RFT1: variants seen among roughly 807,000 people sequenced by gnomAD.
RFT1 encodes man(5)GlcNAc(2)-PP-dolichol translocation protein RFT1.
A neutral mutation model predicts 62.2 loss-of-function variants in RFT1; 43 were observed. The ratio of observed to expected loss-of-function variants is 0.69; its 90% CI spans 0.54 to 0.89. The LOEUF (loss-of-function observed/expected upper bound fraction) is 0.89. Ranked by LOEUF, RFT1 falls within the 40% of genes least tolerant of loss-of-function variation. RFT1 has a pLI of 0.00. For missense variants in RFT1, 605 were observed against 649.9 expected, an observed-to-expected ratio of 0.93 and a Z score of 0.75; for synonymous variants, 262 against 264.6, an observed-to-expected ratio of 0.99 and a Z score of 0.10.
In RFT1 at chr3:53,111,795, G is replaced by C. The variant is rs745848698; in HGVS notation, c.775+35C>G. 18 of 1,549,554 alleles carry C rather than the reference G, an allele frequency of 1.2e-5. No homozygotes were observed. In the East Asian group the frequency reaches 3.4e-4, roughly 29 times the overall value. On this transcript the variant is annotated intron_variant, in intron 7 of 12. Transcript: ENST00000296292. The stretch of plus-strand genomic sequence containing the variant: ...GTCCTATGAAATCCCCTTCTACTAT[G>C]GTCTCCCGACGATTCAGAGTGACCG...
intron 3 of RFT1, among the ~76,000 whole-genome samples, 193 bp downstream of exon 3, chr3:53,123,531 C>A (rs1459713305): frequency 1.3e-5 from 2 of 152,198 alleles, no homozygotes; most frequent in South Asian, 4.1e-4. Context: ...TCCTGGATAT[C>A]CAGAGAGAAA....
chr3:53,088,697 G>A lies in RFT1; in HGVS notation c.*3206C>T, dbSNP rs944276329. The A allele has an allele frequency of 6.6e-6, 1 of 152,246 alleles. No individual in the cohort carries two copies. Among genetic ancestry groups the A allele is most frequent in the Non-Finnish European group, 1.5e-5 (1 of 68,220 alleles). 9.4% of individuals were successfully genotyped at this position (152,246 alleles called of 1,614,324 possible). A position where few individuals can be genotyped will look rare whatever the true frequency, so the allele number is the denominator to read the frequency against. ...AAAAAATTAGAAATTAGCTGGGTGAGGTAGCACACACCTGTGATCCCAGCT... is the reference window on the plus strand; with the variant it reads ...AAAAAATTAGAAATTAGCTGGGTGAAGTAGCACACACCTGTGATCCCAGCT... On this transcript the variant is annotated 3_prime_UTR_variant, in exon 13 of 13. Coordinates refer to ENST00000296292, the MANE Select transcript of RFT1 (RefSeq NM_052859.4).
Position 53,091,706 on chromosome 3 carries a change from A to G in RFT1, c.*197T>C. ...AAGGGCTTTTGGTCTTCACTTAAAA[A>G]TGAAACTCCCCCCCCGCATTTCAGA... On this transcript the variant is annotated 3_prime_UTR_variant, in exon 13 of 13. Transcript: ENST00000296292. The G allele has an allele frequency of 1.6e-6, 1 of 635,106 alleles. No homozygotes were observed. Among genetic ancestry groups the G allele is most frequent in the South Asian group, 1.8e-5 (1 of 55,570 alleles). The allele number at this position is 635,106 out of a possible 1,614,324, so 39.3% of individuals were successfully genotyped here.
At chr3:53,083,383 T>C in the RFT1 span, among the ~76,000 whole-genome samples, 1 of 145,454 alleles carries the variant, frequency 6.9e-6, no homozygotes, top group African/African-American at 2.6e-5. Context: ...ATTAGGCAGG[T>C]ACTCAGGAGG....
rs1700935618 is a variant in RFT1 at position 53,089,565 on chromosome 3, G to A, written c.*2338C>T. The A allele has an allele frequency of 6.6e-6, 1 of 152,316 alleles. No homozygotes were observed. Among genetic ancestry groups the A allele is most frequent in the African/African-American group, 2.4e-5 (1 of 41,454 alleles). The allele number at this position is 152,316 out of a possible 1,614,324, so 9.4% of individuals were successfully genotyped here. A position where few individuals can be genotyped will look rare whatever the true frequency, so the allele number is the denominator to read the frequency against. ...TGTGGCTCTAGGGGGTCCAGCAGGG[G>A]AAATGCCAGAGGCCTGGTCAGGTCC... On this transcript the variant is annotated 3_prime_UTR_variant, in exon 13 of 13. Transcript: ENST00000296292.
intron 2 of RFT1, among the ~76,000 whole-genome samples, chr3:53,125,332 G>A (rs762368385): frequency 5.3e-5 from 8 of 152,208 alleles, no homozygotes; most frequent in African/African-American, 1.2e-4. Flanking sequence ...CAAAATATGC[G>A]TGGGTGTCCT....
intron 7 of RFT1, among the ~76,000 whole-genome samples, chr3:53,111,539 A>T (rs536691036): frequency 6.6e-6 from 1 of 152,346 alleles, no homozygotes; most frequent in South Asian, 2.1e-4. Context: ...GTTACTATAA[A>T]ACCCTAAAGA....
intron 6 of RFT1, among the ~76,000 whole-genome samples, chr3:53,114,051 A>G (rs1237143674): frequency 1.3e-5 from 2 of 152,200 alleles, no homozygotes; most frequent in Non-Finnish European, 2.9e-5. Flanking sequence ...CAAGATGTTT[A>G]AAACAGGCCA....
the RFT1 span, among the ~76,000 whole-genome samples, chr3:53,073,207 T>C: frequency 6.6e-6 from 1 of 152,248 alleles, no homozygotes; most frequent in East Asian, 1.9e-4. Flanking sequence ...CACCGGCCTC[T>C]GCCCAGGCTG....
the RFT1 span, among the ~76,000 whole-genome samples, chr3:53,074,788 C>T: frequency 6.6e-6 from 1 of 152,170 alleles, no homozygotes; most frequent in African/African-American, 2.4e-5. Context: ...AGGCTGTGTC[C>T]ACATCCATGG....
At chr3:53,096,331 A>G (rs1482523621) in intron 11 of RFT1, among the ~76,000 whole-genome samples, 2 of 152,112 alleles carry the variant, frequency 1.3e-5, no homozygotes, top group Admixed American at 1.3e-4. Context: ...ATTCTTCAAT[A>G]AGGCATAATG....
At chr3:53,071,654 T>G in the RFT1 span, among the ~76,000 whole-genome samples, 1 of 152,166 alleles carries the variant, frequency 6.6e-6, no homozygotes, top group African/African-American at 2.4e-5. Flanking sequence ...AGACTCAGGC[T>G]CCAGGAATAG....
intron 10 of RFT1, among the ~76,000 whole-genome samples, chr3:53,100,153 G>A (rs1027214855): frequency 7.9e-5 from 12 of 152,228 alleles, no homozygotes; most frequent in Non-Finnish European, 1.2e-4. Flanking sequence ...GGGAATCTCA[G>A]TTGAGCAGGT....
At chr3:53,098,799 C>T (rs148219135) in intron 11 of RFT1, among the ~76,000 whole-genome samples, 400 of 20,804 alleles carry the variant, frequency 0.019, 4 homozygotes, top group African/African-American at 0.032. Context: ...GAGACTCCAT[C>T]TCAAAAAAAA....
chr3:53,086,782 C>G (rs1226300601), downstream of RFT1, among the ~76,000 whole-genome samples: 1 of 152,198 alleles, frequency 6.6e-6, no homozygotes, highest in Admixed American at 6.5e-5. Context: ...TCCTTAGGGC[C>G]ACTGAGAACC....
In RFT1 at chr3:53,092,445, G is replaced by A. The variant is rs749100524; in HGVS notation, c.1382C>T (p.Pro461Leu). 121 of 1,611,468 alleles carry A rather than the reference G, an allele frequency of 7.5e-5. No individual in the cohort carries two copies. Among genetic ancestry groups the A allele is most frequent in the South Asian group, 1.1e-5 (1 of 90,228 alleles). ...HRYYRRSPHR[P>L]LAGLHLSPVL... The stretch of plus-strand genomic sequence containing the variant: ...TGGCGATAGGTGCAGGCCAGCCAGG[G>A]GCCTGTGGGGGCTCCTTCGGTAGTA... Residue 461 changes from proline (P) to leucine (L), a missense_variant, in exon 12 of 13, where the codon CCC (proline) becomes CTC (leucine). Pro to Leu is a moderately conservative substitution (Grantham distance 98). Transcript: ENST00000296292.
chr3:53,097,307 C>T (rs536180002), intron 11 of RFT1, among the ~76,000 whole-genome samples: 6 of 151,988 alleles, frequency 3.9e-5, no homozygotes, highest in South Asian at 4.1e-4. Flanking sequence ...CAGGGCCAGG[C>T]GCTGGGGCCA....
chr3:53,092,416 G>T lies in RFT1; in HGVS notation c.1411C>A (p.Leu471Met). 1.2e-6 allele frequency: 2 copies of T among 1,608,718 alleles called. No homozygotes were observed. Among genetic ancestry groups the T allele is most frequent in the Non-Finnish European group, 1.7e-6 (2 of 1,177,954 alleles). ...PLAGLHLSPVLLGTFALSGGV... is the reference protein window; with the variant it reads ...PLAGLHLSPVMLGTFALSGGV... ...CCACTGAGGGCAAATGTCCCGAGCA[G>T]GACTGGCGATAGGTGCAGGCCAGCC... The change falls in exon 12 of 13, where the codon CTG becomes ATG. Residue 471 changes from leucine to methionine, a missense_variant. By Grantham distance (15) the Leu-to-Met change is conservative (BLOSUM62 2). Coordinates refer to ENST00000296292, the MANE Select transcript of RFT1 (RefSeq NM_052859.4).
At chr3:53,083,272 G>C in the RFT1 span, among the ~76,000 whole-genome samples, 1 of 150,884 alleles carries the variant, frequency 6.6e-6, no homozygotes, top group South Asian at 2.1e-4. Context: ...AGCACTTTGG[G>C]AGGACAAGCT....
Sources: allele counts gnomAD v4.1 joint callset (sites outside exome capture counted in the v4.1 genomes callset), GRCh38; gene constraint gnomAD v4.1.1; transcripts MANE v1.5; gene names NCBI Gene and HGNC (gene_info 2026-07-23, HGNC 2026-07-21).